PPP2R5E: variants seen among roughly 807,000 people sequenced by gnomAD.
PPP2R5E encodes the protein serine/threonine-protein phosphatase 2A 56 kDa regulatory subunit epsilon isoform.
In PPP2R5E, 4 loss-of-function variants were observed where a neutral mutation model predicts 65.3. The observed-to-expected ratio is 0.06, with a 90% CI of 0.03 to 0.14. The LOEUF (loss-of-function observed/expected upper bound fraction) is 0.14. PPP2R5E is among the 10% of genes least tolerant of loss of function. The probability of loss-of-function intolerance (pLI) is 1.00; values close to 1 mark genes in which losing one functional copy is unlikely to be tolerated. For missense variants in PPP2R5E, 274 were observed against 556.1 expected, an observed-to-expected ratio of 0.49 and a Z score of 5.10; for synonymous variants, 183 against 187.4, an observed-to-expected ratio of 0.98 and a Z score of 0.19.
chr14:63,478,042 C>T (rs754056450), intron 2 of PPP2R5E, among the ~76,000 whole-genome samples: 16 of 152,120 alleles, frequency 1.1e-4, no homozygotes, highest in Non-Finnish European at 1.8e-4. Context: ...ATAAAAATGA[C>T]ATAGCTTCAG....
intron 3 of PPP2R5E, among the ~76,000 whole-genome samples, chr14:63,447,579 C>T (rs776115916): frequency 1.3e-5 from 2 of 152,242 alleles, no homozygotes; most frequent in Non-Finnish European, 2.9e-5. Context: ...GAAACTTTCT[C>T]AATTATCAGC....
chr14:63,524,311 A>G (rs1893092322), intron 2 of PPP2R5E, among the ~76,000 whole-genome samples: 1 of 152,202 alleles, frequency 6.6e-6, no homozygotes, highest in Non-Finnish European at 1.5e-5. Context: ...ATCCAGGTCC[A>G]CAGGGCTGAC....
At chr14:63,539,482 A>G in intron 2 of PPP2R5E, 47 bp downstream of exon 2, 1 of 1,580,378 alleles carries the variant, frequency 6.3e-7, no homozygotes. Context: ...ATATAGATGT[A>G]GAAAGATCAA....
At chr14:63,380,164 C>T (rs1003216997) in intron 13 of PPP2R5E, among the ~76,000 whole-genome samples, 13 of 151,982 alleles carry the variant, frequency 8.6e-5, no homozygotes, top group African/African-American at 1.4e-4. Context: ...TGAGATTCTA[C>T]GGATTTAATC....
At chr14:63,436,337 T>G (rs912404370) in intron 3 of PPP2R5E, among the ~76,000 whole-genome samples, 2 of 152,192 alleles carry the variant, frequency 1.3e-5, no homozygotes, top group East Asian at 1.9e-4. Flanking sequence ...CACAAAACAT[T>G]TGAGGCTCCT....
intron 3 of PPP2R5E, among the ~76,000 whole-genome samples, 183 bp from the exon 4 acceptor site, chr14:63,422,277 G>T (rs182477972): frequency 7.0e-4 from 106 of 152,282 alleles, no homozygotes; most frequent in Middle Eastern, 3.4e-3. Context: ...CTGGAAAGTA[G>T]CAAAGCAGCA....
chr14:63,452,433 C>G (rs946412498), intron 3 of PPP2R5E: 1 of 152,204 alleles, frequency 6.6e-6, no homozygotes, highest in African/African-American at 2.4e-5. Context: ...TCTCTGGCCT[C>G]TCCCACTAGA....
rs558271967 is a variant in PPP2R5E at position 63,541,991 on chromosome 14, T to C, written c.-8+788A>G. 1.1e-3 allele frequency among the ~76,000 whole-genome samples: 161 copies of C among 152,334 alleles called. 2 individuals are homozygous for C. Among genetic ancestry groups the C allele is most frequent in the African/African-American group, 3.7e-3 (153 of 41,568 alleles). On this transcript the variant is annotated intron_variant, in intron 1 of 13. Coordinates refer to ENST00000337537, the MANE Select transcript of PPP2R5E (RefSeq NM_006246.5). ...ACATCTTATTTGTACGTTGTAAATT[T>C]AGGGGCCGATTTTCCATTCGGGTAT...
intron 2 of PPP2R5E, among the ~76,000 whole-genome samples, chr14:63,489,567 G>A (rs1250663576): frequency 1.3e-5 from 2 of 151,810 alleles, no homozygotes; most frequent in African/African-American, 4.8e-5. Context: ...AGACCACCAT[G>A]TCCAGCCAAT....
chr14:63,467,496 T>C (rs1283776961), intron 2 of PPP2R5E, among the ~76,000 whole-genome samples: 1 of 152,170 alleles, frequency 6.6e-6, no homozygotes, highest in Non-Finnish European at 1.5e-5. Flanking sequence ...AAAATGACTT[T>C]CCCTTTCAGA....
chr14:63,510,818 G>A (rs1008359404), intron 2 of PPP2R5E, among the ~76,000 whole-genome samples: 5 of 152,226 alleles, frequency 3.3e-5, no homozygotes, highest in East Asian at 1.9e-4. Context: ...GACATAATCC[G>A]ACTTCTGTTT....
chr14:63,510,262 A>C (rs1390609390), intron 2 of PPP2R5E, among the ~76,000 whole-genome samples: 1 of 152,192 alleles, frequency 6.6e-6, no homozygotes, highest in Non-Finnish European at 1.5e-5. Context: ...ACTTCTAGGG[A>C]AGAGCCACCA....
chr14:63,410,764 T>C (rs1282284394), intron 5 of PPP2R5E, among the ~76,000 whole-genome samples: 1 of 152,200 alleles, frequency 6.6e-6, no homozygotes, highest in African/African-American at 2.4e-5. Context: ...ATTCCCAACA[T>C]GGCAGTTAAT....
chr14:63,485,986 C>A (rs995826007), intron 2 of PPP2R5E, among the ~76,000 whole-genome samples: 1 of 151,570 alleles, frequency 6.6e-6, no homozygotes, highest in African/African-American at 2.4e-5. Flanking sequence ...TGCGCTACTA[C>A]GCCCAGCTAA....
intron 3 of PPP2R5E, among the ~76,000 whole-genome samples, chr14:63,445,221 A>G (rs999164851): frequency 2.6e-5 from 4 of 152,168 alleles, no homozygotes; most frequent in Admixed American, 2.6e-4. Context: ...CACCTCACAT[A>G]CATTATAGGA....
At chr14:63,423,586 A>C (rs1187756369) in intron 3 of PPP2R5E, among the ~76,000 whole-genome samples, 1 of 152,210 alleles carries the variant, frequency 6.6e-6, no homozygotes, top group East Asian at 1.9e-4. Context: ...AAAAGTGAGA[A>C]GGGAAAAAGA....
At chr14:63,464,851 C>T (rs767933003) in intron 2 of PPP2R5E, among the ~76,000 whole-genome samples, 4 of 151,992 alleles carry the variant, frequency 2.6e-5, no homozygotes, top group Non-Finnish European at 5.9e-5. Flanking sequence ...GGTGAAACCC[C>T]GTCTTTACTA....
chr14:63,447,589 C>T (rs1045290483), intron 3 of PPP2R5E, among the ~76,000 whole-genome samples: 1 of 152,212 alleles, frequency 6.6e-6, no homozygotes, highest in Non-Finnish European at 1.5e-5. Flanking sequence ...CAATTATCAG[C>T]AATAAGGTTG....
intron 2 of PPP2R5E, among the ~76,000 whole-genome samples, chr14:63,483,683 G>A (rs1432791003): frequency 6.6e-6 from 1 of 152,134 alleles, no homozygotes; most frequent in African/African-American, 2.4e-5. Flanking sequence ...CATGAAAGGT[G>A]GGTCCACAGG....
Sources: allele counts gnomAD v4.1 joint callset (sites outside exome capture counted in the v4.1 genomes callset), GRCh38; gene constraint gnomAD v4.1.1; transcripts MANE v1.5; gene names NCBI Gene and HGNC (gene_info 2026-07-23, HGNC 2026-07-21).